SLC17A1: variants seen among roughly 807,000 people sequenced by gnomAD.
SLC17A1 encodes solute carrier family 17 member 1, also known as sodium-dependent phosphate transport protein 1.
In SLC17A1, 51 loss-of-function variants were observed where a neutral mutation model predicts 53.5. The ratio of observed to expected loss-of-function variants is 0.95; its 90% CI spans 0.76 to 1.20. The LOEUF (loss-of-function observed/expected upper bound fraction) is 1.20, where lower values mean the gene tolerates loss of function less well. SLC17A1 is among the 50% of genes most tolerant of loss of function. The pLI, the probability that SLC17A1 is intolerant of heterozygous loss-of-function variation, is 0.00. For missense variants in SLC17A1, 538 were observed against 568.2 expected (o/e 0.95, Z 0.54); for synonymous variants, 179 against 198.8 (o/e 0.90, Z 0.84).
At chr6:25,784,986 G>T (rs1490167901) in intron 12 of SLC17A1, among the ~76,000 whole-genome samples, 2 of 152,102 alleles carry the variant, frequency 1.3e-5, no homozygotes, top group African/African-American at 4.8e-5. Flanking sequence ...TCTTACAAAT[G>T]ATATAATCTT....
downstream of SLC17A1, chr6:25,779,382 AG>A (rs1763194651): frequency 1.6e-6 from 1 of 625,058 alleles, no homozygotes; most frequent in African/African-American, 1.9e-5. Flanking sequence ...AGCTACTAAA[AG>A]CATAGGTGTG....
At chr6:25,726,972 A>AC in the SLC17A1 span, 1 of 1,614,196 alleles carries the variant, frequency 6.2e-7, no homozygotes. Context: ...AGCTGTCGTT[A>AC]AGACCCAGAA....
chr6:25,750,808 T>TA, the SLC17A1 span, among the ~76,000 whole-genome samples: 2 of 151,566 alleles, frequency 1.3e-5, no homozygotes, highest in Admixed American at 6.6e-5. Context: ...GTGTCGTATT[T>TA]TAAAAAAATT....
chr6:25,816,574 C>T (rs1490586316), intron 6 of SLC17A1, among the ~76,000 whole-genome samples: 1 of 152,250 alleles, frequency 6.6e-6, no homozygotes, highest in Non-Finnish European at 1.5e-5. Context: ...CGCCCTCTGG[C>T]CTGGGCCTCA....
chr6:25,726,834 G>A, the SLC17A1 span: 5 of 1,500,692 alleles, frequency 3.3e-6, no homozygotes, highest in Non-Finnish European at 3.6e-6. Flanking sequence ...TAATACTGAA[G>A]AGCTGTTGAG....
chr6:25,767,748 ATT>A, the SLC17A1 span, among the ~76,000 whole-genome samples: 1 of 152,108 alleles, frequency 6.6e-6, no homozygotes, highest in Non-Finnish European at 1.5e-5. Context: ...TGCTTTGTCC[ATT>A]TTTTTGAAAA....
chr6:25,776,840 G>T, the SLC17A1 span: 1 of 1,613,982 alleles, frequency 6.2e-7, no homozygotes, highest in Non-Finnish European at 8.5e-7. Context: ...TGATCCTCGT[G>T]TCCCTGCCCT....
chr6:25,751,416 T>G, the SLC17A1 span, among the ~76,000 whole-genome samples: 1 of 152,240 alleles, frequency 6.6e-6, no homozygotes, highest in Admixed American at 6.5e-5. Flanking sequence ...AAGAATTGTA[T>G]TTCTCTATTT....
the SLC17A1 span, among the ~76,000 whole-genome samples, chr6:25,772,301 C>T: frequency 6.6e-6 from 1 of 152,146 alleles, no homozygotes; most frequent in Non-Finnish European, 1.5e-5. Context: ...CCTCCAACCC[C>T]AATGTGCAAC....
At chr6:25,803,094 C>T (rs1474758965) in intron 10 of SLC17A1, among the ~76,000 whole-genome samples, 2 of 151,258 alleles carry the variant, frequency 1.3e-5, no homozygotes, top group Non-Finnish European at 3.0e-5. Context: ...CTACAGGCGC[C>T]CACCACCATG....
chr6:25,816,024 G>C (rs11555553), intron 6 of SLC17A1, among the ~76,000 whole-genome samples: 1 of 148,354 alleles, frequency 6.7e-6, no homozygotes, highest in Non-Finnish European at 1.5e-5. Flanking sequence ...CACTTTTCTT[G>C]TACCAGACCC....
the SLC17A1 span, among the ~76,000 whole-genome samples, chr6:25,733,782 C>CTGTGTGTG: frequency 6.9e-5 from 10 of 144,646 alleles, no homozygotes; most frequent in African/African-American, 2.6e-4. Context: ...AAGCCTAATA[C>CTGTGTGTG]TGTGTGTGTG....
intron 12 of SLC17A1, among the ~76,000 whole-genome samples, chr6:25,784,528 G>C (rs1484309676): frequency 1.3e-5 from 2 of 152,114 alleles, no homozygotes; most frequent in Non-Finnish European, 2.9e-5. Context: ...ATTCTCTCCT[G>C]AACTCAGAGT....
the SLC17A1 span, chr6:25,754,853 A>G: frequency 6.6e-6 from 1 of 152,202 alleles, no homozygotes; most frequent in South Asian, 2.1e-4. Context: ...TGTTTCTGTT[A>G]GAGAGCAGCT....
At chr6:25,792,259 T>A (rs1415247476) in intron 12 of SLC17A1, among the ~76,000 whole-genome samples, 1 of 152,206 alleles carries the variant, frequency 6.6e-6, no homozygotes, top group Admixed American at 6.5e-5. Flanking sequence ...TGCCAGCCAA[T>A]GAGAAATCAA....
At chr6:25,780,686 G>T (rs1433432975), downstream of SLC17A1, 1 of 150,528 alleles carries the variant, frequency 6.6e-6, no homozygotes, top group East Asian at 1.9e-4. Flanking sequence ...GTTTTCAAAG[G>T]CACTCTGCAT....
In SLC17A1 at chr6:25,819,675, T is replaced by G. The variant is rs1764482214; in HGVS notation, c.441+7A>C. 6.2e-7 allele frequency: 1 copy of G among 1,613,698 alleles called. No individual in the cohort carries two copies. The highest frequency in any genetic ancestry group is 1.3e-5 in the African/African-American group (1 of 74,912). ...AACTCTGTTCAGTTTTAGCATTATTTTAATACCTGGGCTGCTCCCTGAACT... is the reference window on the plus strand; with the variant it reads ...AACTCTGTTCAGTTTTAGCATTATTGTAATACCTGGGCTGCTCCCTGAACT... On this transcript the variant is annotated splice_region_variant and intron_variant, in intron 4 of 12. Transcript: ENST00000244527.
the SLC17A1 span, among the ~76,000 whole-genome samples, chr6:25,774,712 G>A: frequency 6.6e-6 from 1 of 152,198 alleles, no homozygotes; most frequent in Non-Finnish European, 1.5e-5. Flanking sequence ...ACCCTCAGAG[G>A]CCAAGGCTGA....
At chr6:25,760,916 G>A in the SLC17A1 span, among the ~76,000 whole-genome samples, 1 of 151,950 alleles carries the variant, frequency 6.6e-6, no homozygotes, top group Non-Finnish European at 1.5e-5. Context: ...TCTATTTTTG[G>A]AAGTTCGCAG....
Sources: allele counts gnomAD v4.1 joint callset (sites outside exome capture counted in the v4.1 genomes callset), GRCh38; gene constraint gnomAD v4.1.1; transcripts MANE v1.5; gene names NCBI Gene and HGNC (gene_info 2026-07-23, HGNC 2026-07-21).